Variants in HCN3 observed in about 807,000 individuals in gnomAD.
The protein encoded by HCN3 is potassium/sodium hyperpolarization-activated cyclic nucleotide-gated channel 3.
Under a neutral mutation model 56.8 loss-of-function variants are expected in HCN3, and 36 were observed. The observed-to-expected ratio is 0.63, with a 90% CI of 0.49 to 0.84. HCN3 has a LOEUF of 0.84. Ranked by LOEUF, HCN3 falls within the 40% of genes least tolerant of loss-of-function variation. HCN3 has a pLI of 0.00. For synonymous variants in HCN3, 425 were observed against 439.7 expected, an observed-to-expected ratio of 0.97 and a Z score of 0.42; for missense variants, 930 against 1,079.3, an observed-to-expected ratio of 0.86 and a Z score of 1.94.
At chr1:155,281,420 G>A (rs553261078) in intron 1 of HCN3, among the ~76,000 whole-genome samples, 2 of 150,880 alleles carry the variant, frequency 1.3e-5, no homozygotes, top group Admixed American at 1.3e-4. Context: ...CCAGGTTGGA[G>A]AGCAGTGGTG....
At chr1:155,278,682 TG>T (rs1255884048) in intron 1 of HCN3, among the ~76,000 whole-genome samples, 1 of 152,232 alleles carries the variant, frequency 6.6e-6, no homozygotes, top group African/African-American at 2.4e-5. Context: ...GGTGTGAATC[TG>T]GAGCCTCGAA....
rs754698524 is a variant in HCN3 at position 155,282,556 on chromosome 1, G to T, written c.424G>T (p.Val142Leu). 2 of 1,614,234 alleles carry T rather than the reference G, an allele frequency of 1.2e-6. No homozygotes were observed. The highest frequency in any genetic ancestry group is 3.3e-5 in the Admixed American group (2 of 60,028). Residue 142 changes from valine (V) to leucine (L), a missense_variant, in exon 2 of 8, where the codon GTG becomes TTG. Physicochemically the swap from Val to Leu is conservative, Grantham distance 32. Transcript: ENST00000368358. The surrounding 1 kb of genome is among the most constrained non-coding windows in gnomAD (Gnocchi z 4.7). ...TGATACTTTCTTCCTACTGGATCTG[G>T]TGCTCAACTTCCGAACGGGCATCGT... ...LSDTFFLLDL[V>L]LNFRTGIVVE...
Position 155,288,669 on chromosome 1 carries a change from C to T in HCN3, c.*206C>T. ...AGCTTGTCCCATCATAATCCATTCA[C>T]CCGTTCATCATGTGTACTGAGCAGC... On this transcript the variant is annotated 3_prime_UTR_variant, in exon 8 of 8. Coordinates refer to ENST00000368358, the MANE Select transcript of HCN3 (RefSeq NM_020897.3). The surrounding 1 kb of genome is among the most constrained non-coding windows in gnomAD (Gnocchi z 6.5). The T allele has an allele frequency of 1.6e-6, 1 of 645,022 alleles. No homozygotes were observed. Among genetic ancestry groups the T allele is most frequent in the Non-Finnish European group, 2.6e-6 (1 of 389,422 alleles). The allele number at this position is 645,022 out of a possible 1,614,324, so 40.0% of individuals were successfully genotyped here.
chr1:155,278,745 C>T (rs1572032345), intron 1 of HCN3, among the ~76,000 whole-genome samples: 1 of 152,322 alleles, frequency 6.6e-6, no homozygotes, highest in East Asian at 1.9e-4. Context: ...TACACACTCC[C>T]TCTATGTCTC....
chr1:155,287,055 A>G (rs766506370), intron 6 of HCN3, 118 bp from the exon 7 acceptor site: 50 of 1,174,300 alleles, frequency 4.3e-5, no homozygotes, highest in Non-Finnish European at 5.7e-5. Flanking sequence ...TAGGTAATCA[A>G]TGGTTTCTCC....
chr1:155,288,325 T>G lies in HCN3; in HGVS notation c.2187T>G (p.Pro729=). Residue 729 remains proline, a synonymous_variant, in exon 8 of 8, where the codon CCT becomes CCG. Transcript: ENST00000368358. The surrounding 1 kb of genome is among the most constrained non-coding windows in gnomAD (Gnocchi z 6.5). The stretch of plus-strand genomic sequence containing the variant: ...AGCGGGCAACAGGCGATGGCTCTCC[T>G]GGGCGTAAGGGATCAGGAAGTGAGC... ...LPQRATGDGS[P]GRKGSGSERL... is the part of the protein sequence containing the mutation. 1.9e-6 allele frequency: 3 copies of G among 1,613,750 alleles called. No homozygotes were observed. Among genetic ancestry groups the G allele is most frequent in the Non-Finnish European group, 2.5e-6 (3 of 1,179,924 alleles).
In HCN3 at chr1:155,282,637, C is replaced by G; in HGVS notation, c.505C>G (p.Leu169Val). Residue 169 changes from leucine to valine, a missense_variant, in exon 2 of 8, where the codon CTG becomes GTG. By Grantham distance (32) the Leu-to-Val change is conservative. Transcript: ENST00000368358. The surrounding 1 kb of genome is among the most constrained non-coding windows in gnomAD (Gnocchi z 4.7). ...LAPRAIRTRY[L>V]RTWFLVDLIS... is the part of the protein sequence containing the mutation. ...ACCGCGGGCCATCCGCACGCGCTAC[C>G]TGCGCACCTGGTTCCTGGTTGACCT... 4 of 1,614,256 alleles carry G rather than the reference C, an allele frequency of 2.5e-6. No homozygotes were observed. Among genetic ancestry groups the G allele is most frequent in the Non-Finnish European group, 3.4e-6 (4 of 1,180,054 alleles).
At position 155,289,515 on chromosome 1, in the gene HCN3, G is replaced by A. The variant is rs1674442117; in HGVS notation, c.*1052G>A. On this transcript the variant is annotated 3_prime_UTR_variant, in exon 8 of 8. Coordinates refer to ENST00000368358, the MANE Select transcript of HCN3 (RefSeq NM_020897.3). ...GGTAGGGGCAGGAGGAGCCACATGAGAGAGGGAGAAGGACCGCGTTTACCT... is the reference window on the plus strand; with the variant it reads ...GGTAGGGGCAGGAGGAGCCACATGAAAGAGGGAGAAGGACCGCGTTTACCT... The A allele has an allele frequency of 6.6e-6, 1 of 152,370 alleles. No individual in the cohort carries two copies. Among genetic ancestry groups the A allele is most frequent in the South Asian group, 2.1e-4 (1 of 4,830 alleles). The allele number at this position is 152,370 out of a possible 1,614,324, so 9.4% of individuals were successfully genotyped here.
chr1:155,277,480 G>A lies in HCN3; in HGVS notation c.-111G>A. 1 of 1,318,692 alleles carries A rather than the reference G, an allele frequency of 7.6e-7. No individual in the cohort carries two copies. The allele number at this position is 1,318,692 out of a possible 1,614,324, so 81.7% of individuals were successfully genotyped here. A position where few individuals can be genotyped will look rare whatever the true frequency, so the allele number is the denominator to read the frequency against. On this transcript the variant is annotated 5_prime_UTR_variant, in exon 1 of 8. Coordinates refer to ENST00000368358, the MANE Select transcript of HCN3 (RefSeq NM_020897.3). ...GCGCCGGCGATTCCGAGCCTACGAC[G>A]CCTCCGCTAGAGCCCGCGGGGCTGC...
chr1:155,286,228 C>G lies in HCN3; in HGVS notation c.1477+264C>G, dbSNP rs144733142. ...TGGCGCAATCTCGGCTCACTGAAAG[C>G]TCTGCCTCCTGGGTTCACGCCATTC... is the stretch of plus-strand genomic sequence containing the variant. On this transcript the variant is annotated intron_variant, in intron 6 of 7. Coordinates refer to ENST00000368358, the MANE Select transcript of HCN3 (RefSeq NM_020897.3). Among the ~76,000 whole-genome samples the G allele has an allele frequency of 0.012, 1,832 of 152,284 alleles. 26 individuals are homozygous for G. The highest frequency in any genetic ancestry group is 0.048 in the Middle Eastern group (14 of 294).
intron 1 of HCN3, 42 bp downstream of exon 1, chr1:155,277,910 A>G: frequency 6.3e-7 from 1 of 1,583,554 alleles, no homozygotes; most frequent in Non-Finnish European, 8.6e-7. Flanking sequence ...CATCAATCCC[A>G]CCCTCGCGGG....
Position 155,288,648 on chromosome 1 carries a change from T to G in HCN3, c.*185T>G, listed in dbSNP as rs1674404150. 1.4e-6 allele frequency: 1 copy of G among 714,330 alleles called. No homozygotes were observed. Among genetic ancestry groups the G allele is most frequent in the Admixed American group, 3.2e-5 (1 of 30,780 alleles). The allele number at this position is 714,330 out of a possible 1,614,324, so 44.2% of individuals were successfully genotyped here. On this transcript the variant is annotated 3_prime_UTR_variant, in exon 8 of 8. Coordinates refer to ENST00000368358, the MANE Select transcript of HCN3 (RefSeq NM_020897.3). The surrounding 1 kb of genome is among the most constrained non-coding windows in gnomAD (Gnocchi z 6.5). Reference sequence around the variant, plus strand: ...TCCTCAGCTCAAGAATCCTGTAGCTTGTCCCATCATAATCCATTCACCCGT... The same window carrying G: ...TCCTCAGCTCAAGAATCCTGTAGCTGGTCCCATCATAATCCATTCACCCGT...
At chr1:155,283,501 A>G (rs1674155361) in intron 2 of HCN3, among the ~76,000 whole-genome samples, 1 of 151,418 alleles carries the variant, frequency 6.6e-6, no homozygotes, top group African/African-American at 2.4e-5. Flanking sequence ...GGTGCGCTGC[A>G]CCCACTAACT....
chr1:155,285,674 C>G lies in HCN3; in HGVS notation c.1237-50C>G, dbSNP rs1674252798. 1 of 1,604,488 alleles carries G rather than the reference C, an allele frequency of 6.2e-7. No homozygotes were observed. Among genetic ancestry groups the G allele is most frequent in the South Asian group, 1.1e-5 (1 of 90,066 alleles). Reference sequence around the variant, plus strand: ...TGGAAGCGGATGAGCTCGGTGGGATCATCTCAGGTCAGGGGCACAGCCTGC... The same window carrying G: ...TGGAAGCGGATGAGCTCGGTGGGATGATCTCAGGTCAGGGGCACAGCCTGC... On this transcript the variant is annotated intron_variant, in intron 5 of 7. Transcript: ENST00000368358. This position sits in a 1 kb window ranked among gnomAD's most constrained non-coding sequence, Gnocchi z 4.5.
Position 155,288,585 on chromosome 1 carries a change from C to G in HCN3, c.*122C>G. ...GCCCCATGGAAATGTCGACCCTGTGCGGACATTCCGCATACTGCCATGAAG... is the reference window on the plus strand; with the variant it reads ...GCCCCATGGAAATGTCGACCCTGTGGGGACATTCCGCATACTGCCATGAAG... On this transcript the variant is annotated 3_prime_UTR_variant, in exon 8 of 8. Transcript: ENST00000368358. The surrounding 1 kb of genome is among the most constrained non-coding windows in gnomAD (Gnocchi z 6.5). The G allele has an allele frequency of 7.9e-7, 1 of 1,264,746 alleles. No homozygotes were observed. The highest frequency in any genetic ancestry group is 1.5e-5 in the African/African-American group (1 of 66,870). The allele number at this position is 1,264,746 out of a possible 1,614,324, so 78.3% of individuals were successfully genotyped here.
Position 155,289,355 on chromosome 1 carries a change from A to C in HCN3, c.*892A>C, listed in dbSNP as rs2148192903. On this transcript the variant is annotated 3_prime_UTR_variant, in exon 8 of 8. Transcript: ENST00000368358. ...TATGTGTTACCAATTAATTTTGTTTACCCATTCCTTTATCCATCCCTCCCC... is the reference window on the plus strand; with the variant it reads ...TATGTGTTACCAATTAATTTTGTTTCCCCATTCCTTTATCCATCCCTCCCC... 6.6e-6 allele frequency: 1 copy of C among 152,156 alleles called. No homozygotes were observed. Among genetic ancestry groups the C allele is most frequent in the East Asian group, 1.9e-4 (1 of 5,172 alleles). 9.4% of individuals were successfully genotyped at this position (152,156 alleles called of 1,614,324 possible). A position where few individuals can be genotyped will look rare whatever the true frequency, so the allele number is the denominator to read the frequency against.
chr1:155,280,815 C>CGCAA (rs1163926873), intron 1 of HCN3, among the ~76,000 whole-genome samples: 2 of 127,410 alleles, frequency 1.6e-5, no homozygotes, highest in East Asian at 4.7e-4. Flanking sequence ...AGTGCAATGG[C>CGCAA]GCAATCTCGG....
chr1:155,285,084 C>T lies in HCN3; in HGVS notation c.1090-81C>T, dbSNP rs1045604190. The T allele has an allele frequency of 7.2e-6, 11 of 1,527,552 alleles. No homozygotes were observed. The highest frequency in any genetic ancestry group is 1.2e-5 in the South Asian group (1 of 82,926). 94.6% of individuals were successfully genotyped at this position (1,527,552 alleles called of 1,614,324 possible). A position where few individuals can be genotyped will look rare whatever the true frequency, so the allele number is the denominator to read the frequency against. On this transcript the variant is annotated intron_variant, in intron 4 of 7. Transcript: ENST00000368358. The surrounding 1 kb of genome is among the most constrained non-coding windows in gnomAD (Gnocchi z 4.5). ...TTTGAGTTTGACCTGTGTCTCTGAC[C>T]TTCCGCACACACACCCCACTGTGCC...
At chr1:155,280,437 T>A (rs1019308870) in intron 1 of HCN3, among the ~76,000 whole-genome samples, 10 of 138,384 alleles carry the variant, frequency 7.2e-5, no homozygotes, top group Non-Finnish European at 1.4e-4. Flanking sequence ...ACCTGGCTAA[T>A]TTTTTTTTTT....
Sources: allele counts gnomAD v4.1 joint callset (sites outside exome capture counted in the v4.1 genomes callset), GRCh38; gene constraint gnomAD v4.1.1; non-coding constraint Gnocchi (gnomAD v3.1); transcripts MANE v1.5; gene names NCBI Gene and HGNC (gene_info 2026-07-23, HGNC 2026-07-21).